The following CLIC5 variants were observed in gnomAD, a reference collection of about 807,000 sequenced individuals.
CLIC5 encodes CLIC family member 5, also known as chloride intracellular channel protein 5.
A neutral mutation model predicts 24.7 loss-of-function variants in CLIC5; 20 were observed. That is an observed-to-expected ratio of 0.81 (90% CI 0.57 to 1.18). The LOEUF is 1.18. CLIC5 is among the 50% of genes most tolerant of loss of function. The probability of loss-of-function intolerance (pLI) is 0.00; values close to 1 mark genes in which losing one functional copy is unlikely to be tolerated. For missense variants in CLIC5, 341 were observed against 326.1 expected (o/e 1.05, Z -0.35); for synonymous variants, 159 against 135.6 (o/e 1.17, Z -1.20).
the CLIC5 span, among the ~76,000 whole-genome samples, chr6:46,117,567 TA>T: frequency 3.3e-5 from 5 of 152,224 alleles, no homozygotes; most frequent in African/African-American, 1.2e-4. Context: ...GGTTTGTGAA[TA>T]AAAAGAATTC....
At chr6:46,082,137 G>C (rs1440067308), upstream of CLIC5, among the ~76,000 whole-genome samples, 1 of 152,044 alleles carries the variant, frequency 6.6e-6, no homozygotes, top group Non-Finnish European at 1.5e-5. Flanking sequence ...GCAGTGTGTA[G>C]CTCATAATCT....
chr6:46,011,907 T>C (rs1158823096), intron 1 of CLIC5, among the ~76,000 whole-genome samples: 1 of 152,202 alleles, frequency 6.6e-6, no homozygotes, highest in African/African-American at 2.4e-5. Context: ...CAGGCCTTTG[T>C]TCCCCAAGGC....
At chr6:46,062,244 C>A (rs1171999929) in intron 1 of CLIC5, among the ~76,000 whole-genome samples, 5 of 152,160 alleles carry the variant, frequency 3.3e-5, no homozygotes, top group African/African-American at 4.8e-5. Flanking sequence ...TCCTTTCTTG[C>A]CACCAAAGAA....
chr6:45,886,977 G>A (rs145089764), intron 6 of CLIC5, among the ~76,000 whole-genome samples: 4 of 152,200 alleles, frequency 2.6e-5, no homozygotes, highest in Non-Finnish European at 4.4e-5. Context: ...ATGCCAGAGA[G>A]GGGGCATGGA....
intron 1 of CLIC5, among the ~76,000 whole-genome samples, chr6:46,059,730 T>G (rs952045338): frequency 6.6e-6 from 1 of 152,216 alleles, no homozygotes; most frequent in Non-Finnish European, 1.5e-5. Context: ...AAGTAGCCAC[T>G]GAGACTAAAG....
the CLIC5 span, among the ~76,000 whole-genome samples, chr6:46,105,985 G>A: frequency 1.3e-5 from 2 of 152,220 alleles, no homozygotes; most frequent in Admixed American, 6.5e-5. Context: ...CATGGGAGAT[G>A]AGCTTGTCAA....
At chr6:46,028,015 AAT>A (rs1767388834) in intron 1 of CLIC5, among the ~76,000 whole-genome samples, 1 of 152,190 alleles carries the variant, frequency 6.6e-6, no homozygotes, top group African/African-American at 2.4e-5. Flanking sequence ...AATAAAGCAG[AAT>A]ATAGACTCAG....
chr6:46,126,508 A>G, the CLIC5 span, among the ~76,000 whole-genome samples: 1 of 152,194 alleles, frequency 6.6e-6, no homozygotes, highest in Non-Finnish European at 1.5e-5. Flanking sequence ...TTAAAGGAGC[A>G]CTTAAAAATA....
At chr6:45,910,494 CTG>C (rs1016463072) in intron 5 of CLIC5, among the ~76,000 whole-genome samples, 1 of 152,100 alleles carries the variant, frequency 6.6e-6, no homozygotes, top group African/African-American at 2.4e-5. Flanking sequence ...AATGAGCAAA[CTG>C]AAGCTACAAG....
chr6:46,066,552 C>T (rs1223578986), intron 1 of CLIC5, among the ~76,000 whole-genome samples: 1 of 152,040 alleles, frequency 6.6e-6, no homozygotes, highest in Non-Finnish European at 1.5e-5. Context: ...CCCCCATAAC[C>T]AATTTGGTTT....
chr6:46,084,131 G>T (rs1762981666), upstream of CLIC5, among the ~76,000 whole-genome samples: 1 of 152,062 alleles, frequency 6.6e-6, no homozygotes, highest in African/African-American at 2.4e-5. Context: ...TTGCTTGGTA[G>T]ATCTTCCTCC....
At chr6:46,072,941 A>G (rs1253330338) in intron 1 of CLIC5, among the ~76,000 whole-genome samples, 2 of 152,220 alleles carry the variant, frequency 1.3e-5, no homozygotes, top group Non-Finnish European at 1.5e-5. Flanking sequence ...ATATTCATGA[A>G]CATATGAATA....
chr6:46,045,169 C>T (rs1406016396), intron 1 of CLIC5, among the ~76,000 whole-genome samples: 1 of 152,132 alleles, frequency 6.6e-6, no homozygotes, highest in African/African-American at 2.4e-5. Flanking sequence ...TTAGCTTCCT[C>T]TTTTTAATAG....
chr6:46,126,516 A>T, the CLIC5 span, among the ~76,000 whole-genome samples: 17 of 152,218 alleles, frequency 1.1e-4, no homozygotes, highest in Admixed American at 1.0e-3. Flanking sequence ...GCACTTAAAA[A>T]TATTTTACAA....
At chr6:46,077,074 G>A (rs1436075282) in intron 1 of CLIC5, among the ~76,000 whole-genome samples, 4 of 151,800 alleles carry the variant, frequency 2.6e-5, no homozygotes, top group Admixed American at 6.5e-5. Context: ...CTGGGTGGCA[G>A]AGTGAAACTC....
chr6:46,075,090 A>C (rs1207173412), intron 1 of CLIC5, among the ~76,000 whole-genome samples: 1 of 152,238 alleles, frequency 6.6e-6, no homozygotes. Context: ...CATTTACCAT[A>C]TGTCAGATAC....
chr6:46,087,585 G>A, the CLIC5 span, among the ~76,000 whole-genome samples: 1 of 151,934 alleles, frequency 6.6e-6, no homozygotes, highest in African/African-American at 2.4e-5. Flanking sequence ...ATTCACGGTG[G>A]GTCTAGTTTC....
intron 6 of CLIC5, among the ~76,000 whole-genome samples, chr6:45,889,963 GAA>G (rs1364140854): frequency 2.0e-5 from 3 of 152,140 alleles, no homozygotes; most frequent in African/African-American, 7.2e-5. Context: ...ATGTTACAAA[GAA>G]TGTGAAACAT....
the CLIC5 span, among the ~76,000 whole-genome samples, chr6:46,110,351 C>A: frequency 6.6e-6 from 1 of 152,186 alleles, no homozygotes; most frequent in East Asian, 1.9e-4. Flanking sequence ...CCTTTTACTC[C>A]ACCGGACTTT....
Sources: gnomAD v4.1 joint callset for allele counts (sites outside exome capture counted in the v4.1 genomes callset) on GRCh38, gnomAD v4.1.1 for gene constraint, MANE v1.5 for transcripts, NCBI Gene and HGNC (gene_info 2026-07-23, HGNC 2026-07-21) for gene names.